ZNF519: variants seen among roughly 807,000 people sequenced by gnomAD.
ZNF519 encodes similar to Zinc finger protein 85 (Zinc finger protein HPF4) (HTF1).
Under a neutral mutation model 7.4 loss-of-function variants are expected in ZNF519, and 7 were observed. The ratio of observed to expected loss-of-function variants is 0.94; its 90% CI spans 0.54 to 1.77. ZNF519 has a LOEUF of 1.77. Ranked by LOEUF, ZNF519 falls within the 40% of genes most tolerant of loss-of-function variation. The pLI, the probability that ZNF519 is intolerant of heterozygous loss-of-function variation, is 0.00. For missense variants in ZNF519, 586 were observed against 623.1 expected (o/e 0.94, Z 0.63); for synonymous variants, 179 against 203.3 (o/e 0.88, Z 1.02).
chr18:14,088,744 T>C (rs1158419659), intron 2 of ZNF519, among the ~76,000 whole-genome samples: 1 of 152,230 alleles, frequency 6.6e-6, no homozygotes, highest in Non-Finnish European at 1.5e-5. Flanking sequence ...GAAATCACCA[T>C]AATTACTTTA....
At chr18:14,126,274 CAG>C in intron 1 of ZNF519, among the ~76,000 whole-genome samples, 1 of 152,322 alleles carries the variant, frequency 6.6e-6, no homozygotes. Flanking sequence ...ATCTGATTTT[CAG>C]AGTTTGTGCA....
At chr18:14,127,751 C>T (rs1334778258) in intron 1 of ZNF519, among the ~76,000 whole-genome samples, 2 of 152,042 alleles carry the variant, frequency 1.3e-5, no homozygotes, top group African/African-American at 4.8e-5. Context: ...GACTGCTGTC[C>T]TGAAAAGTTA....
At chr18:14,093,630 T>C (rs981901231) in intron 2 of ZNF519, among the ~76,000 whole-genome samples, 23 of 152,138 alleles carry the variant, frequency 1.5e-4, no homozygotes, top group Non-Finnish European at 3.1e-4. Context: ...AGAACCAGAG[T>C]ATGTTCAGAG....
chr18:14,096,792 T>C (rs17536373), downstream of ZNF519, among the ~76,000 whole-genome samples: 26,314 of 152,118 alleles, frequency 0.17, 2,794 homozygotes, highest in Middle Eastern at 0.25. Flanking sequence ...ACAGTGGTGT[T>C]CCTATAGATG....
chr18:14,106,162 CT>C lies in ZNF519; in HGVS notation c.377del (p.Lys126ArgfsTer17), dbSNP rs762474254. ...GAGCAGCTGACAGAAACTGAGGCTTCTTCTGAAATATTCTATATTCTTTGTC... is the reference window on the plus strand; with the variant it reads ...GAGCAGCTGACAGAAACTGAGGCTTCTCTGAAATATTCTATATTCTTTGTC... ...KGDKEYRIFQKKPQFLSAAPT... is the reference protein window; with the variant it reads ...KGDKEYRIFQXKPQFLSAAPT... On this transcript the variant is annotated frameshift_variant, in exon 3 of 3. Coordinates refer to ENST00000590202, the MANE Select transcript of ZNF519 (RefSeq NM_145287.4). LOFTEE classifies it low-confidence loss of function (END_TRUNC). 1.2e-4 allele frequency: 190 copies of C among 1,611,652 alleles called. No individual in the cohort carries two copies. Among genetic ancestry groups the C allele is most frequent in the Non-Finnish European group, 1.6e-4 (183 of 1,179,440 alleles).
chr18:14,099,176 T>G (rs1209738259), downstream of ZNF519, among the ~76,000 whole-genome samples: 1 of 151,956 alleles, frequency 6.6e-6, no homozygotes, highest in Non-Finnish European at 1.5e-5. Flanking sequence ...CCCTGCTACT[T>G]CCCACCAACC....
downstream of ZNF519, among the ~76,000 whole-genome samples, chr18:14,097,487 G>A (rs1431216970): frequency 6.6e-6 from 1 of 152,178 alleles, no homozygotes; most frequent in East Asian, 1.9e-4. Flanking sequence ...TCATGGAGGT[G>A]CAAGTCCAAG....
intron 2 of ZNF519, chr18:14,122,311 A>C (rs1470965578): frequency 6.6e-6 from 1 of 152,198 alleles, no homozygotes; most frequent in African/African-American, 2.4e-5. Flanking sequence ...ATTTTTGTAG[A>C]ATCACATTTG....
At chr18:14,121,469 T>C (rs1478755574) in intron 2 of ZNF519, among the ~76,000 whole-genome samples, 2 of 152,194 alleles carry the variant, frequency 1.3e-5, no homozygotes, top group Non-Finnish European at 2.9e-5. Context: ...TATATAGTTA[T>C]ACAATTTTTA....
At chr18:14,079,582 A>G (rs1317445310) in intron 3 of ZNF519, among the ~76,000 whole-genome samples, 1 of 152,226 alleles carries the variant, frequency 6.6e-6, no homozygotes, top group African/African-American at 2.4e-5. Context: ...TGGGAAGAAC[A>G]GAGAACCTAG....
At chr18:14,115,171 T>C (rs1001408664) in intron 2 of ZNF519, among the ~76,000 whole-genome samples, 2 of 152,188 alleles carry the variant, frequency 1.3e-5, no homozygotes, top group Non-Finnish European at 2.9e-5. Context: ...TTATTACATG[T>C]GCCCAGCACA....
At chr18:14,131,029 T>G (rs994552780) in intron 1 of ZNF519, among the ~76,000 whole-genome samples, 1 of 152,020 alleles carries the variant, frequency 6.6e-6, no homozygotes, top group Admixed American at 6.6e-5. Flanking sequence ...CCAAAATACA[T>G]GGCTCTGGTT....
At chr18:14,094,053 T>C (rs2046124417) in intron 2 of ZNF519, among the ~76,000 whole-genome samples, 1 of 152,250 alleles carries the variant, frequency 6.6e-6, no homozygotes, top group Non-Finnish European at 1.5e-5. Context: ...CTTTGGTTTC[T>C]TGCTTTAATG....
chr18:14,129,532 T>G (rs528512758), intron 1 of ZNF519, among the ~76,000 whole-genome samples: 19 of 152,296 alleles, frequency 1.2e-4, no homozygotes, highest in African/African-American at 4.3e-4. Flanking sequence ...GACAAGCCTG[T>G]GTGCAGAACA....
intron 3 of ZNF519, among the ~76,000 whole-genome samples, chr18:14,083,242 A>G (rs529807644): frequency 6.8e-4 from 103 of 152,224 alleles, no homozygotes; most frequent in Non-Finnish European, 7.5e-4. Context: ...CCCAGGTACC[A>G]GGGAGGCTGA....
chr18:14,088,342 C>A (rs1315864746), intron 2 of ZNF519, among the ~76,000 whole-genome samples: 1 of 152,182 alleles, frequency 6.6e-6, no homozygotes, highest in Non-Finnish European at 1.5e-5. Context: ...AGCAGTCCTG[C>A]ACCATAGTCA....
chr18:14,100,062 T>A lies in ZNF519; in HGVS notation c.*4855A>T, dbSNP rs1305431556. The stretch of plus-strand genomic sequence containing the variant: ...GAAAACATGCAGACATGAATAAACA[T>A]TTCATCAGAGATAATAGGCAGATGT... On this transcript the variant is annotated 3_prime_UTR_variant, in exon 3 of 3. Transcript: ENST00000590202. 1 of 152,128 alleles carries A rather than the reference T, an allele frequency of 6.6e-6. No homozygotes were observed. The highest frequency in any genetic ancestry group is 2.4e-5 in the African/African-American group (1 of 41,424). 9.4% of individuals were successfully genotyped at this position (152,128 alleles called of 1,614,324 possible).
At chr18:14,129,997 T>C (rs1248478966) in intron 1 of ZNF519, among the ~76,000 whole-genome samples, 2 of 152,122 alleles carry the variant, frequency 1.3e-5, no homozygotes, top group South Asian at 2.1e-4. Context: ...GTAATTCTGC[T>C]AAATAGCTGT....
At chr18:14,088,534 T>A (rs1369090878) in intron 2 of ZNF519, among the ~76,000 whole-genome samples, 1 of 152,168 alleles carries the variant, frequency 6.6e-6, no homozygotes, top group South Asian at 2.1e-4. Flanking sequence ...AGCACAGAGA[T>A]CAGGACCACA....
Sources: allele counts gnomAD v4.1 joint callset (sites outside exome capture counted in the v4.1 genomes callset), GRCh38; gene constraint gnomAD v4.1.1; transcripts MANE v1.5; gene names NCBI Gene and HGNC (gene_info 2026-07-23, HGNC 2026-07-21).